Variants in DPH6 observed in about 807,000 individuals in gnomAD.
The protein encoded by DPH6 is diphthine--ammonia ligase.
A neutral mutation model predicts 38.2 loss-of-function variants in DPH6; 33 were observed. That is an observed-to-expected ratio of 0.86 (90% CI 0.65 to 1.15). The LOEUF is 1.15. DPH6 is among the 50% of genes most tolerant of loss of function. The probability of loss-of-function intolerance (pLI) is 0.00; values close to 1 mark genes in which losing one functional copy is unlikely to be tolerated. For synonymous variants in DPH6, 108 were observed against 103.0 expected (o/e 1.05, Z -0.30); for missense variants, 325 against 320.0 (o/e 1.02, Z -0.12).
intron 3 of DPH6, among the ~76,000 whole-genome samples, chr15:35,269,166 T>C (rs1049300096): frequency 2.6e-5 from 4 of 152,230 alleles, no homozygotes; most frequent in Non-Finnish European, 4.4e-5. Flanking sequence ...TGGAAGACTA[T>C]TAGTTCTTCT....
intron 3 of DPH6, among the ~76,000 whole-genome samples, chr15:35,319,970 T>C (rs1674626573): frequency 6.6e-6 from 1 of 152,086 alleles, no homozygotes; most frequent in Non-Finnish European, 1.5e-5. Context: ...ATTCTTATAC[T>C]CTTTTCCTGT....
chr15:35,243,706 A>G (rs113614195), intron 3 of DPH6, among the ~76,000 whole-genome samples: 16 of 150,622 alleles, frequency 1.1e-4, no homozygotes, highest in African/African-American at 3.9e-4. Context: ...AATCCTATAA[A>G]ACGGCCCCAC....
intron 3 of DPH6, chr15:35,489,485 A>G (rs2054448060): frequency 1.0e-6 from 1 of 982,730 alleles, no homozygotes; most frequent in Non-Finnish European, 1.2e-6. Context: ...TAGGCATATA[A>G]TAAATATGAA....
At chr15:35,312,311 A>G (rs2052150325) in intron 3 of DPH6, among the ~76,000 whole-genome samples, 3 of 152,216 alleles carry the variant, frequency 2.0e-5, no homozygotes, top group Admixed American at 1.3e-4. Flanking sequence ...AAAGCCAGTG[A>G]AGGACTGAGC....
chr15:35,526,255 T>C (rs2055000353), intron 3 of DPH6, among the ~76,000 whole-genome samples: 1 of 152,170 alleles, frequency 6.6e-6, no homozygotes, highest in Admixed American at 6.5e-5. Context: ...ATGGGGCATT[T>C]CAATGGCTCC....
intron 3 of DPH6, among the ~76,000 whole-genome samples, chr15:35,347,028 TTGAG>T (rs1414594945): frequency 1.3e-5 from 2 of 152,134 alleles, no homozygotes; most frequent in Non-Finnish European, 2.9e-5. Context: ...ATTTACAATC[TTGAG>T]TATTTTTAAG....
intron 5 of DPH6, among the ~76,000 whole-genome samples, chr15:35,416,417 T>C (rs1595544708): frequency 6.6e-6 from 1 of 152,040 alleles, no homozygotes; most frequent in African/African-American, 2.4e-5. Flanking sequence ...GCATGAACAA[T>C]GATTTAGGTG....
At chr15:35,351,280 ATG>A (rs1483118072) in intron 3 of DPH6, among the ~76,000 whole-genome samples, 1 of 152,114 alleles carries the variant, frequency 6.6e-6, no homozygotes, top group Non-Finnish European at 1.5e-5. Context: ...CTTTCAGTCT[ATG>A]TGTGTTGTTA....
At chr15:35,166,895 G>C in the DPH6 span, among the ~76,000 whole-genome samples, 1 of 151,956 alleles carries the variant, frequency 6.6e-6, no homozygotes. Context: ...TCAAGCAGCA[G>C]GGAAAAGGAG....
downstream of DPH6, among the ~76,000 whole-genome samples, chr15:35,213,710 C>G (rs1050929084): frequency 6.6e-6 from 1 of 152,200 alleles, no homozygotes; most frequent in Non-Finnish European, 1.5e-5. Flanking sequence ...TTACATCACA[C>G]AAAGATCCAA....
At chr15:35,198,228 C>T in the DPH6 span, among the ~76,000 whole-genome samples, 2 of 151,308 alleles carry the variant, frequency 1.3e-5, no homozygotes, top group Admixed American at 6.6e-5. Flanking sequence ...GAATACTAGG[C>T]TTCTAATTTT....
intron 5 of DPH6, among the ~76,000 whole-genome samples, chr15:35,427,180 A>G (rs959330929): frequency 6.6e-6 from 1 of 151,786 alleles, no homozygotes; most frequent in Non-Finnish European, 1.5e-5. Context: ...TTTATTTTGC[A>G]TTGACCTCTG....
At chr15:35,450,511 C>T (rs987006150) in intron 5 of DPH6, among the ~76,000 whole-genome samples, 174 bp downstream of exon 5, 4 of 149,578 alleles carry the variant, frequency 2.7e-5, no homozygotes, top group Non-Finnish European at 4.4e-5. Flanking sequence ...GTCAAAAGAC[C>T]ACTTTAAAAC....
At chr15:35,165,285 T>C in the DPH6 span, among the ~76,000 whole-genome samples, 1 of 151,916 alleles carries the variant, frequency 6.6e-6, no homozygotes, top group Admixed American at 6.6e-5. Context: ...TCAGATTGAA[T>C]TCTCAGTTTT....
chr15:35,243,046 A>G (rs1330629830), intron 3 of DPH6, among the ~76,000 whole-genome samples: 1 of 141,456 alleles, frequency 7.1e-6, no homozygotes, highest in Non-Finnish European at 1.5e-5. Context: ...CTCCGTAGGC[A>G]CTCTCTAATT....
intron 3 of DPH6, among the ~76,000 whole-genome samples, chr15:35,226,112 T>C (rs1345968595): frequency 1.3e-5 from 2 of 151,932 alleles, no homozygotes; most frequent in Admixed American, 6.6e-5. Flanking sequence ...AACACAGTAA[T>C]ATCTCATCAC....
At position 35,428,851 on chromosome 15, in the gene DPH6, C is replaced by T. The variant is rs377378943; in HGVS notation, c.506-17955G>A. On this transcript the variant is annotated intron_variant, in intron 5 of 8. Coordinates refer to ENST00000256538, the MANE Select transcript of DPH6 (RefSeq NM_080650.4). ...ATTGTTCTGGTCACTCTCTACTCACCGAATTACATTTGTTTCTGTGTCCCA... is the reference window on the plus strand; with the variant it reads ...ATTGTTCTGGTCACTCTCTACTCACTGAATTACATTTGTTTCTGTGTCCCA... Among the ~76,000 whole-genome samples, 3 of 152,016 alleles carry T rather than the reference C, an allele frequency of 2.0e-5. No individual in the cohort carries two copies. In the South Asian group the frequency reaches 6.2e-4, roughly 31 times the overall value.
chr15:35,520,220 C>CAAAAAAAAAAAAAAAAAAAAAAA (rs1353792195), intron 3 of DPH6: 3 of 435,364 alleles, frequency 6.9e-6, no homozygotes, highest in Non-Finnish European at 7.7e-6. Context: ...AAACATGCTA[C>CAAAAAAAAAAAAAAAAAAAAAAA]AAAAAAAAAC....
intron 3 of DPH6, among the ~76,000 whole-genome samples, chr15:35,249,707 T>G (rs1276757490): frequency 6.6e-6 from 1 of 152,164 alleles, no homozygotes; most frequent in African/African-American, 2.4e-5. Context: ...AAAAATAGCA[T>G]ATTAGTTCTG....
Sources: gnomAD v4.1 joint callset for allele counts (sites outside exome capture counted in the v4.1 genomes callset) on GRCh38, gnomAD v4.1.1 for gene constraint, MANE v1.5 for transcripts, NCBI Gene and HGNC (gene_info 2026-07-23, HGNC 2026-07-21) for gene names.